The following ADAMTS17 variants were observed in gnomAD, a reference collection of about 807,000 sequenced individuals.
ADAMTS17 encodes the protein A disintegrin and metalloproteinase with thrombospondin motifs 17.
Under a neutral mutation model 141.5 loss-of-function variants are expected in ADAMTS17, and 113 were observed. That is an observed-to-expected ratio of 0.80 (90% confidence interval 0.69 to 0.93). The LOEUF is 0.93. Among genes scored for constraint, ADAMTS17 ranks in the 40% least tolerant of loss-of-function variants. The pLI, the probability that ADAMTS17 is intolerant of heterozygous loss-of-function variation, is 0.00. For missense variants in ADAMTS17, 1,659 were observed against 1,517.9 expected (o/e 1.09, Z -1.54); for synonymous variants, 768 against 630.6 (o/e 1.22, Z -3.27).
intron 12 of ADAMTS17, among the ~76,000 whole-genome samples, chr15:100,125,643 C>G (rs1252383760): frequency 6.6e-6 from 1 of 152,130 alleles, no homozygotes; most frequent in East Asian, 1.9e-4. Context: ...CGAGGGGTAA[C>G]AGAAGGTAAA....
At chr15:100,309,737 C>T (rs569222296) in intron 3 of ADAMTS17, among the ~76,000 whole-genome samples, 33 of 152,324 alleles carry the variant, frequency 2.2e-4, no homozygotes, top group African/African-American at 5.8e-4. Context: ...ATCCCCAAAT[C>T]GCCATCATGA....
intron 18 of ADAMTS17, among the ~76,000 whole-genome samples, chr15:100,040,797 C>T (rs1361531655): frequency 1.3e-5 from 2 of 152,092 alleles, no homozygotes; most frequent in South Asian, 2.1e-4. Flanking sequence ...CAGGTGACAT[C>T]CTGAAATTTG....
At chr15:100,210,148 G>A (rs941685484) in intron 7 of ADAMTS17, among the ~76,000 whole-genome samples, 5 of 149,074 alleles carry the variant, frequency 3.4e-5, no homozygotes, top group East Asian at 2.0e-4. Context: ...GGAGAATGGC[G>A]TGAACCTGGG....
intron 15 of ADAMTS17, among the ~76,000 whole-genome samples, chr15:100,076,396 C>A (rs145408192): frequency 1.1e-3 from 160 of 152,306 alleles, no homozygotes; most frequent in Non-Finnish European, 2.1e-3. Context: ...AAATTTATGG[C>A]AGTAACTCTG....
At chr15:100,167,883 T>G (rs180922035) in intron 8 of ADAMTS17, among the ~76,000 whole-genome samples, 82 of 152,306 alleles carry the variant, frequency 5.4e-4, no homozygotes, top group African/African-American at 1.9e-3. Flanking sequence ...CTTTTGAAAC[T>G]ACCCATGCAC....
intron 18 of ADAMTS17, among the ~76,000 whole-genome samples, chr15:100,003,313 A>G (rs983188381): frequency 6.6e-6 from 1 of 152,030 alleles, no homozygotes; most frequent in South Asian, 2.1e-4. Context: ...GGAGCCACAT[A>G]ACCAGCCGGA....
intron 20 of ADAMTS17, among the ~76,000 whole-genome samples, chr15:99,986,258 C>T (rs1015556969): frequency 3.6e-4 from 55 of 152,330 alleles, no homozygotes; most frequent in African/African-American, 1.2e-3. Context: ...ATACAAGGTT[C>T]GTTCATTGTT....
chr15:100,339,133 C>T (rs1596556432), intron 2 of ADAMTS17: 2 of 985,510 alleles, frequency 2.0e-6, no homozygotes, highest in Non-Finnish European at 2.4e-6. Context: ...ACACACTGAA[C>T]TCAGCCTGTT....
At chr15:100,227,205 G>A (rs1735559882) in intron 7 of ADAMTS17, among the ~76,000 whole-genome samples, 1 of 152,026 alleles carries the variant, frequency 6.6e-6, no homozygotes, top group Admixed American at 6.6e-5. Flanking sequence ...CTTCCACCTG[G>A]ATTTCTCACA....
intron 15 of ADAMTS17, among the ~76,000 whole-genome samples, chr15:100,057,510 A>G (rs559647904): frequency 2.0e-5 from 3 of 152,074 alleles, no homozygotes; most frequent in Non-Finnish European, 4.4e-5. Context: ...AGACTCCAAC[A>G]CGGGCTGCCC....
chr15:100,028,701 CG>C (rs1480046803), intron 18 of ADAMTS17, among the ~76,000 whole-genome samples: 1 of 152,206 alleles, frequency 6.6e-6, no homozygotes, highest in Non-Finnish European at 1.5e-5. Context: ...CTGGCAGCAG[CG>C]GGGCTGAGAT....
intron 7 of ADAMTS17, among the ~76,000 whole-genome samples, chr15:100,248,942 G>T (rs887641906): frequency 1.3e-5 from 2 of 152,036 alleles, no homozygotes; most frequent in Non-Finnish European, 2.9e-5. Context: ...GGCATTACAG[G>T]TGCCCGCCAC....
At chr15:100,042,881 C>A (rs2031375387) in intron 18 of ADAMTS17, among the ~76,000 whole-genome samples, 1 of 152,110 alleles carries the variant, frequency 6.6e-6, no homozygotes. Flanking sequence ...CCACGGGTAA[C>A]TGAAACCACA....
At chr15:100,162,086 T>C (rs1296179190) in intron 8 of ADAMTS17, among the ~76,000 whole-genome samples, 1 of 152,014 alleles carries the variant, frequency 6.6e-6, no homozygotes, top group East Asian at 1.9e-4. Flanking sequence ...ACCAATATAG[T>C]GTTGGTGTTC....
At chr15:100,220,200 A>T (rs555765781) in intron 7 of ADAMTS17, among the ~76,000 whole-genome samples, 1 of 151,826 alleles carries the variant, frequency 6.6e-6, no homozygotes, top group South Asian at 2.1e-4. Flanking sequence ...AGGCGTCCCT[A>T]CCAGCACACT....
At chr15:100,210,457 ACT>A (rs2041764710) in intron 7 of ADAMTS17, among the ~76,000 whole-genome samples, 1 of 152,160 alleles carries the variant, frequency 6.6e-6, no homozygotes, top group Admixed American at 6.5e-5. Flanking sequence ...GGAAATTAAG[ACT>A]CTGAGAAGTC....
chr15:100,277,109 C>G (rs998030862), intron 4 of ADAMTS17, among the ~76,000 whole-genome samples: 1 of 152,136 alleles, frequency 6.6e-6, no homozygotes. Flanking sequence ...GTATAGACGA[C>G]AGAAGGGCTC....
At chr15:100,150,229 G>A (rs1291815433) in intron 10 of ADAMTS17, among the ~76,000 whole-genome samples, 3 of 152,146 alleles carry the variant, frequency 2.0e-5, no homozygotes, top group African/African-American at 7.2e-5. Flanking sequence ...AAAGCTGAGG[G>A]AATCATTGCT....
At chr15:100,188,250 AT>A (rs2040792112) in intron 8 of ADAMTS17, among the ~76,000 whole-genome samples, 1 of 151,746 alleles carries the variant, frequency 6.6e-6, no homozygotes, top group South Asian at 2.1e-4. Flanking sequence ...CTAATTTTGT[AT>A]TTTTTAGTAG....
Sources: allele counts gnomAD v4.1 joint callset (sites outside exome capture counted in the v4.1 genomes callset), GRCh38; gene constraint gnomAD v4.1.1; transcripts MANE v1.5; gene names NCBI Gene and HGNC (gene_info 2026-07-23, HGNC 2026-07-21).